Variants in B3GALT1 observed in about 807,000 individuals in gnomAD.
B3GALT1 encodes beta-1,3-galactosyltransferase 1.
Under a neutral mutation model 23.2 loss-of-function variants are expected in B3GALT1, and 10 were observed. The observed-to-expected ratio is 0.43, with a 90% confidence interval of 0.27 to 0.73. The LOEUF is 0.73. Among genes scored for constraint, B3GALT1 ranks in the 30% least tolerant of loss-of-function variants. The pLI, the probability that B3GALT1 is intolerant of heterozygous loss-of-function variation, is 0.21. For synonymous variants in B3GALT1, 156 were observed against 141.5 expected, an observed-to-expected ratio of 1.10 and a Z score of -0.73; for missense variants, 299 against 405.4, an observed-to-expected ratio of 0.74 and a Z score of 2.25.
intron 2 of B3GALT1, among the ~76,000 whole-genome samples, chr2:167,642,111 G>A (rs1041821854): frequency 6.6e-6 from 1 of 152,134 alleles, no homozygotes; most frequent in Non-Finnish European, 1.5e-5. Flanking sequence ...TCATCCCTTT[G>A]GTTGTGTGAT....
intron 4 of B3GALT1, among the ~76,000 whole-genome samples, chr2:167,867,966 T>G (rs1690266441): frequency 6.6e-6 from 1 of 152,188 alleles, no homozygotes; most frequent in East Asian, 1.9e-4. Flanking sequence ...GTCCCTCTCA[T>G]TATACTCATA....
At chr2:167,786,161 C>T (rs947980618) in intron 3 of B3GALT1, among the ~76,000 whole-genome samples, 1 of 152,156 alleles carries the variant, frequency 6.6e-6, no homozygotes, top group Non-Finnish European at 1.5e-5. Flanking sequence ...CTAGACCATT[C>T]CTGTTAGTGT....
At chr2:167,434,720 CTT>C (rs965582777) in intron 1 of B3GALT1, among the ~76,000 whole-genome samples, 9 of 141,262 alleles carry the variant, frequency 6.4e-5, no homozygotes, top group African/African-American at 2.0e-4. Flanking sequence ...ACCCCCCCCC[CTT>C]ATTTTTTCCC....
At chr2:167,401,248 G>A (rs114094379) in intron 1 of B3GALT1, among the ~76,000 whole-genome samples, 431 of 152,136 alleles carry the variant, frequency 2.8e-3, no homozygotes, top group African/African-American at 9.7e-3. Flanking sequence ...TTAACCTTCC[G>A]TCTTTCCTTG....
intron 2 of B3GALT1, among the ~76,000 whole-genome samples, chr2:167,513,025 G>A (rs1257500125): frequency 7.5e-6 from 1 of 133,848 alleles, no homozygotes; most frequent in Non-Finnish European, 1.5e-5. Context: ...GACAATTGCT[G>A]TTTGACAGAA....
At chr2:167,427,033 T>C (rs1255136146) in intron 1 of B3GALT1, among the ~76,000 whole-genome samples, 2 of 152,182 alleles carry the variant, frequency 1.3e-5, no homozygotes, top group Admixed American at 1.3e-4. Flanking sequence ...CAATGAAAGT[T>C]AAAGAACCAT....
At chr2:167,703,409 C>T (rs1686911544) in intron 3 of B3GALT1, among the ~76,000 whole-genome samples, 1 of 152,134 alleles carries the variant, frequency 6.6e-6, no homozygotes, top group South Asian at 2.1e-4. Flanking sequence ...AGCCCCTGAC[C>T]CATGCTGAAG....
intron 3 of B3GALT1, among the ~76,000 whole-genome samples, chr2:167,693,023 C>T (rs899732037): frequency 1.3e-5 from 2 of 151,138 alleles, no homozygotes; most frequent in African/African-American, 4.9e-5. Flanking sequence ...AAATTATAGC[C>T]CTTGAGGAAG....
intron 2 of B3GALT1, among the ~76,000 whole-genome samples, chr2:167,637,733 A>G (rs567738749): frequency 5.3e-5 from 8 of 151,986 alleles, no homozygotes; most frequent in African/African-American, 1.9e-4. Flanking sequence ...CAGCTTCCAC[A>G]TACAAGTGAA....
intron 2 of B3GALT1, among the ~76,000 whole-genome samples, chr2:167,613,458 T>A (rs973970652): frequency 6.6e-6 from 1 of 151,318 alleles, no homozygotes; most frequent in African/African-American, 2.4e-5. Context: ...AAATATTTTA[T>A]ATAATATACT....
intron 1 of B3GALT1, among the ~76,000 whole-genome samples, chr2:167,476,010 C>A (rs1415242458): frequency 2.0e-5 from 3 of 152,124 alleles, no homozygotes; most frequent in Non-Finnish European, 4.4e-5. Context: ...AGACACCAGT[C>A]ATATTGGATT....
At chr2:167,508,496 G>A (rs1337565450) in intron 2 of B3GALT1, among the ~76,000 whole-genome samples, 2 of 151,924 alleles carry the variant, frequency 1.3e-5, no homozygotes, top group Admixed American at 6.6e-5. Context: ...CTAACCTCGT[G>A]ATCCACCTGC....
At chr2:167,352,150 G>C (rs548147302) in intron 1 of B3GALT1, among the ~76,000 whole-genome samples, 1 of 143,770 alleles carries the variant, frequency 7.0e-6, no homozygotes, top group Non-Finnish European at 1.5e-5. Flanking sequence ...TTGTATTTTC[G>C]TAGAGAAGGG....
chr2:167,322,762 A>G (rs1302242382), intron 1 of B3GALT1, among the ~76,000 whole-genome samples: 1 of 152,020 alleles, frequency 6.6e-6, no homozygotes, highest in Non-Finnish European at 1.5e-5. Flanking sequence ...CAACTCTAGA[A>G]CTGTGAAGAC....
chr2:167,564,890 A>G lies in B3GALT1; in HGVS notation c.-410+74613A>G, dbSNP rs528062015. ...ACAAATGGAAGAACATTCCATGCTC[A>G]TGGGTAGGAAGAATCAATATCATGA... On this transcript the variant is annotated intron_variant, in intron 2 of 4. Transcript: ENST00000392690. Among the ~76,000 whole-genome samples, 168 of 152,358 alleles carry G rather than the reference A, an allele frequency of 1.1e-3. 1 individual carries two copies. The highest frequency in any genetic ancestry group is 3.8e-3 in the African/African-American group (157 of 41,598).
Position 167,293,159 on chromosome 2 carries a change from G to T in B3GALT1, c.-686G>T, listed in dbSNP as rs1422486948. 1 of 151,466 alleles carries T rather than the reference G, an allele frequency of 6.6e-6. No individual in the cohort carries two copies. The highest frequency in any genetic ancestry group is 1.5e-5 in the Non-Finnish European group (1 of 67,774). The allele number at this position is 151,466 out of a possible 1,614,324, so 9.4% of individuals were successfully genotyped here. The stretch of plus-strand genomic sequence containing the variant: ...GGCGCTGCCGGTCTTGCAGGCGGCC[G>T]CCGGGGAGGGGCGGCCGAGAGAGCG... On this transcript the variant is annotated 5_prime_UTR_variant, in exon 1 of 5. Transcript: ENST00000392690.
At chr2:167,826,061 T>G (rs1574284457) in intron 4 of B3GALT1, among the ~76,000 whole-genome samples, 1 of 152,170 alleles carries the variant, frequency 6.6e-6, no homozygotes, top group Admixed American at 6.5e-5. Flanking sequence ...ACAATTTCCC[T>G]CAAATGGGCT....
At chr2:167,521,555 C>CT (rs1339054634) in intron 2 of B3GALT1, among the ~76,000 whole-genome samples, 2 of 151,948 alleles carry the variant, frequency 1.3e-5, no homozygotes, top group Non-Finnish European at 2.9e-5. Context: ...CAAATGTGGC[C>CT]TAATTTTTCA....
intron 2 of B3GALT1, among the ~76,000 whole-genome samples, chr2:167,639,954 G>A (rs1685622873): frequency 1.3e-5 from 2 of 152,042 alleles, no homozygotes; most frequent in Admixed American, 1.3e-4. Context: ...TTCTTTTGAG[G>A]TTATCTGGGA....
Sources: gnomAD v4.1 joint callset for allele counts (sites outside exome capture counted in the v4.1 genomes callset) on GRCh38, gnomAD v4.1.1 for gene constraint, MANE v1.5 for transcripts, NCBI Gene and HGNC (gene_info 2026-07-23, HGNC 2026-07-21) for gene names.